Variants in C6orf52 observed in about 807,000 individuals in gnomAD.
The protein encoded by C6orf52 is putative uncharacterized protein C6orf52.
C6orf52 carries 16 observed loss-of-function variants against 16.6 expected under a neutral mutation model. That is an observed-to-expected ratio of 0.96 (90% CI 0.65 to 1.46). The LOEUF (loss-of-function observed/expected upper bound fraction) is 1.46. C6orf52 is among the 40% of genes most tolerant of loss of function. The pLI, the probability that C6orf52 is intolerant of heterozygous loss-of-function variation, is 0.00. For missense variants in C6orf52, 166 were observed against 182.3 expected, an observed-to-expected ratio of 0.91 and a Z score of 0.52; for synonymous variants, 53 against 61.4, an observed-to-expected ratio of 0.86 and a Z score of 0.64.
intron 4 of C6orf52, among the ~76,000 whole-genome samples, chr6:10,676,855 C>T (rs957140071): frequency 1.3e-5 from 2 of 152,186 alleles, no homozygotes. Flanking sequence ...CCACATGTGT[C>T]CATGTCCTTA....
chr6:10,680,589 GTTC>G (rs1215425579), intron 4 of C6orf52, among the ~76,000 whole-genome samples: 3 of 152,096 alleles, frequency 2.0e-5, no homozygotes, highest in East Asian at 1.9e-4. Context: ...CATGGCATTA[GTTC>G]TTCTTTAAAT....
chr6:10,684,746 G>C (rs1253315561), intron 3 of C6orf52: 27 of 626,318 alleles, frequency 4.3e-5, no homozygotes, highest in Non-Finnish European at 5.9e-5. Flanking sequence ...CAGCACATTG[G>C]GGGAAGCAGG....
rs1416454449 is a variant in C6orf52, at chr6:10,687,495, T to G, written c.56A>C (p.Tyr19Ser). 1.9e-6 allele frequency: 3 copies of G among 1,549,320 alleles called. No individual in the cohort carries two copies. The highest frequency in any genetic ancestry group is 4.9e-5 in the East Asian group (2 of 40,910). Residue 19 changes from tyrosine (Y) to serine (S), a missense_variant, in exon 2 of 5, where the codon TAC becomes TCC. Tyr to Ser is a moderately radical substitution (Grantham distance 144). Coordinates refer to ENST00000259983, the MANE Select transcript of C6orf52 (RefSeq NM_001145020.3). ...AACCACTCACCTTTGCCAGTAGCAG[T>G]AATAGTTATTTTGTTGAGCTATGCC... ...DFGIAQQNNY[Y>S]CYWQSLPSAI...
chr6:10,680,804 G>A (rs1768310785), intron 4 of C6orf52, among the ~76,000 whole-genome samples: 1 of 152,102 alleles, frequency 6.6e-6, no homozygotes. Context: ...TTTCTTTGAT[G>A]GGAGACTTTT....
At chr6:10,689,049 C>T (rs995529420) in intron 1 of C6orf52, among the ~76,000 whole-genome samples, 3 of 152,184 alleles carry the variant, frequency 2.0e-5, no homozygotes, top group African/African-American at 7.2e-5. Context: ...ATGATCTCTC[C>T]TCACTGCAAC....
chr6:10,693,280 C>T (rs1001712315), intron 1 of C6orf52, among the ~76,000 whole-genome samples: 1 of 152,208 alleles, frequency 6.6e-6, no homozygotes, highest in Non-Finnish European at 1.5e-5. Flanking sequence ...GTGCTCTCAC[C>T]ATCGTTCCAT....
Position 10,683,300 on chromosome 6 carries a change from T to C in C6orf52, c.271-68A>G. 1 of 986,512 alleles carries C rather than the reference T, an allele frequency of 1.0e-6. No individual in the cohort carries two copies. The allele number at this position is 986,512 out of a possible 1,614,324, so 61.1% of individuals were successfully genotyped here. ...AGGTTTAATATCAATACATACTTTA[T>C]TGGGAAAAACTCTAGCTCTCAAAAA... is the stretch of plus-strand genomic sequence containing the variant. On this transcript the variant is annotated intron_variant, in intron 3 of 4. Transcript: ENST00000259983.
chr6:10,692,544 G>A (rs1581570093), intron 1 of C6orf52, among the ~76,000 whole-genome samples: 1 of 152,100 alleles, frequency 6.6e-6, no homozygotes, highest in East Asian at 1.9e-4. Context: ...TAATTCAAGC[G>A]ATTCTCCCGC....
At chr6:10,679,978 C>T (rs1243682350) in intron 4 of C6orf52, among the ~76,000 whole-genome samples, 3 of 152,186 alleles carry the variant, frequency 2.0e-5, no homozygotes, top group African/African-American at 4.8e-5. Flanking sequence ...GATCACCAAG[C>T]GCAGTTGCTC....
chr6:10,680,106 T>G (rs1768242496), intron 4 of C6orf52, among the ~76,000 whole-genome samples: 1 of 152,016 alleles, frequency 6.6e-6, no homozygotes, highest in Admixed American at 6.6e-5. Context: ...TACAAAAAAT[T>G]AGCTGGGCAT....
intron 4 of C6orf52, among the ~76,000 whole-genome samples, chr6:10,677,938 G>A (rs1051519402): frequency 2.4e-4 from 37 of 151,910 alleles, no homozygotes; most frequent in Admixed American, 1.3e-4. Context: ...AGAACTTTGG[G>A]AGGCCAAAGC....
At chr6:10,691,296 G>A (rs1390027812) in intron 1 of C6orf52, among the ~76,000 whole-genome samples, 2 of 152,118 alleles carry the variant, frequency 1.3e-5, no homozygotes, top group South Asian at 2.1e-4. Flanking sequence ...CAAGACTCAC[G>A]TCTCCAACAA....
chr6:10,677,592 C>T (rs542014215), intron 4 of C6orf52, among the ~76,000 whole-genome samples: 3 of 151,208 alleles, frequency 2.0e-5, no homozygotes, highest in African/African-American at 4.9e-5. Context: ...AGTGCAGTGG[C>T]GCCACCTTGG....
At chr6:10,683,141 A>T in intron 4 of C6orf52, 46 bp downstream of exon 4, 2 of 1,305,320 alleles carry the variant, frequency 1.5e-6, no homozygotes, top group Non-Finnish European at 2.1e-6. Context: ...AGAAACCAGG[A>T]AATGGGGTTT....
At chr6:10,671,710 A>T in intron 4 of C6orf52, 112 bp from the exon 5 acceptor site, 1 of 595,598 alleles carries the variant, frequency 1.7e-6, no homozygotes, top group Non-Finnish European at 2.7e-6. Flanking sequence ...TACTGCAGAT[A>T]GTAAAGGTTA....
rs1317262980 is a variant in C6orf52, at chr6:10,683,161, C to T, written c.316+26G>A. 5 of 1,494,930 alleles carry T rather than the reference C, an allele frequency of 3.3e-6. No homozygotes were observed. The South Asian group carries it at 5.1e-5, about 15-fold the overall frequency. 92.6% of individuals were successfully genotyped at this position (1,494,930 alleles called of 1,614,324 possible). On this transcript the variant is annotated intron_variant, in intron 4 of 4. Coordinates refer to ENST00000259983, the MANE Select transcript of C6orf52 (RefSeq NM_001145020.3). ...CCAGGAAATGGGGTTTTGTTTCCAACCACTTCAGCACAAGGTTTATGTTAC... is the reference window on the plus strand; with the variant it reads ...CCAGGAAATGGGGTTTTGTTTCCAATCACTTCAGCACAAGGTTTATGTTAC...
rs911002560 is a variant in C6orf52, at chr6:10,681,050, T to C, written c.316+2137A>G. Among the ~76,000 whole-genome samples the C allele has an allele frequency of 2.6e-5, 4 of 152,226 alleles. No individual in the cohort carries two copies. In the South Asian group the frequency reaches 6.2e-4, roughly 24 times the overall value. ...CCCCTGGGCTCAAATGATCCTCCCCTATTAGCCTCCCGAAGTGCTTGGGAT... is the reference window on the plus strand; with the variant it reads ...CCCCTGGGCTCAAATGATCCTCCCCCATTAGCCTCCCGAAGTGCTTGGGAT... On this transcript the variant is annotated intron_variant, in intron 4 of 4. Transcript: ENST00000259983.
intron 4 of C6orf52, among the ~76,000 whole-genome samples, chr6:10,676,119 GACTC>G (rs1057342703): frequency 9.2e-5 from 14 of 151,986 alleles, no homozygotes; most frequent in African/African-American, 3.4e-4. Context: ...AACAGAGTGA[GACTC>G]ACTCTCAAAA....
chr6:10,676,816 C>A (rs1396033172), intron 4 of C6orf52, among the ~76,000 whole-genome samples: 1 of 152,198 alleles, frequency 6.6e-6, no homozygotes, highest in Non-Finnish European at 1.5e-5. Context: ...CTTTCTTCTA[C>A]CTATTAAGCC....
Sources: allele counts gnomAD v4.1 joint callset (sites outside exome capture counted in the v4.1 genomes callset), GRCh38; gene constraint gnomAD v4.1.1; transcripts MANE v1.5; gene names NCBI Gene and HGNC (gene_info 2026-07-23, HGNC 2026-07-21).